TMEM117: variants seen among roughly 807,000 people sequenced by gnomAD.
The protein encoded by TMEM117 is transmembrane protein 117.
Under a neutral mutation model 52.4 loss-of-function variants are expected in TMEM117, and 27 were observed. The ratio of observed to expected loss-of-function variants is 0.51; its 90% CI spans 0.38 to 0.71. The LOEUF (loss-of-function observed/expected upper bound fraction) is 0.71. Ranked by LOEUF, TMEM117 falls within the 30% of genes least tolerant of loss-of-function variation. The probability of loss-of-function intolerance (pLI) is 0.00; values close to 1 mark genes in which losing one functional copy is unlikely to be tolerated. For missense variants in TMEM117, 556 were observed against 630.5 expected (o/e 0.88, Z 1.26); for synonymous variants, 215 against 206.3 (o/e 1.04, Z -0.36).
In TMEM117 at chr12:44,006,672, C is replaced by T. The variant is rs149212121; in HGVS notation, c.410+62330C>T. Among the ~76,000 whole-genome samples, 584 of 152,014 alleles carry T rather than the reference C, an allele frequency of 3.8e-3. 6 individuals are homozygous for T. The highest frequency in any genetic ancestry group is 0.025 in the East Asian group (129 of 5,174). On this transcript the variant is annotated intron_variant, in intron 3 of 7. Transcript: ENST00000266534. ...TCTGAAGAATTTAGATGGCTGGGGG[C>T]GGGGAAACTTTGAATAACCAGATAC...
intron 3 of TMEM117, among the ~76,000 whole-genome samples, chr12:43,958,754 T>G (rs893372930): frequency 6.6e-6 from 1 of 151,812 alleles, no homozygotes; most frequent in African/African-American, 2.4e-5. Context: ...GGAGAGAATA[T>G]CTGAAATGGA....
At chr12:44,049,793 G>A (rs1414598906) in intron 3 of TMEM117, among the ~76,000 whole-genome samples, 1 of 152,120 alleles carries the variant, frequency 6.6e-6, no homozygotes, top group African/African-American at 2.4e-5. Flanking sequence ...ATAATAATTT[G>A]TGCCCATAAA....
chr12:44,117,792 C>T (rs888400454), intron 3 of TMEM117, among the ~76,000 whole-genome samples: 7 of 151,842 alleles, frequency 4.6e-5, no homozygotes, highest in African/African-American at 7.3e-5. Context: ...TGATATATGT[C>T]GGAATGATAT....
chr12:44,194,993 A>G (rs572474281), intron 4 of TMEM117, among the ~76,000 whole-genome samples: 12 of 152,342 alleles, frequency 7.9e-5, no homozygotes, highest in African/African-American at 2.6e-4. Flanking sequence ...TTCCATCTAT[A>G]TGCTGTGCAT....
chr12:44,157,625 T>C (rs145945353), intron 4 of TMEM117, among the ~76,000 whole-genome samples: 1,746 of 152,220 alleles, frequency 0.011, 22 homozygotes, highest in South Asian at 0.052. Flanking sequence ...GAATTATAAA[T>C]ATACCTGATG....
chr12:43,865,451 C>A (rs774265054), intron 2 of TMEM117, among the ~76,000 whole-genome samples: 18 of 152,170 alleles, frequency 1.2e-4, no homozygotes, highest in Non-Finnish European at 2.5e-4. Context: ...AATCCCAGCA[C>A]TTTGGGAGGC....
intron 5 of TMEM117, among the ~76,000 whole-genome samples, chr12:44,231,859 T>C (rs1027573353): frequency 6.6e-6 from 1 of 151,752 alleles, no homozygotes; most frequent in Admixed American, 6.6e-5. Context: ...TATATGGTGC[T>C]CATTTGGTAC....
intron 3 of TMEM117, among the ~76,000 whole-genome samples, chr12:43,968,159 C>G (rs1945516168): frequency 6.6e-6 from 1 of 152,192 alleles, no homozygotes; most frequent in South Asian, 2.1e-4. Context: ...CACTATTGAT[C>G]TTTCTTATTG....
chr12:44,213,595 C>A (rs1423084825), intron 5 of TMEM117, among the ~76,000 whole-genome samples: 1 of 152,158 alleles, frequency 6.6e-6, no homozygotes, highest in Non-Finnish European at 1.5e-5. Context: ...TCCCATAATC[C>A]CCACTTGTCG....
chr12:44,140,105 A>C (rs1948550266), intron 3 of TMEM117, among the ~76,000 whole-genome samples: 1 of 152,146 alleles, frequency 6.6e-6, no homozygotes, highest in African/African-American at 2.4e-5. Flanking sequence ...GTACTATCTC[A>C]TCTGCATTGT....
intron 3 of TMEM117, among the ~76,000 whole-genome samples, chr12:43,996,352 A>C (rs561471797): frequency 6.6e-6 from 1 of 152,266 alleles, no homozygotes; most frequent in Admixed American, 6.5e-5. Flanking sequence ...AATTTTAAAG[A>C]AACATTATTG....
rs1422805836 is a variant in TMEM117, at chr12:44,380,122, C to G, written c.898+3398C>G. Reference sequence around the variant, plus strand: ...TTTCTATAGTTAGAATTCCTCTTATCTCAGCTTTAATTTGTTTTCATATGC... The same window carrying G: ...TTTCTATAGTTAGAATTCCTCTTATGTCAGCTTTAATTTGTTTTCATATGC... On this transcript the variant is annotated intron_variant, in intron 7 of 7. Transcript: ENST00000266534. Among the ~76,000 whole-genome samples the G allele has an allele frequency of 2.0e-5, 3 of 152,154 alleles. No homozygotes were observed. In the East Asian group the frequency reaches 5.8e-4, roughly 29 times the overall value.
At chr12:44,186,757 G>T (rs558500892) in intron 4 of TMEM117, among the ~76,000 whole-genome samples, 139 of 152,114 alleles carry the variant, frequency 9.1e-4, no homozygotes, top group African/African-American at 3.2e-3. Context: ...AAGAAAAAAA[G>T]GAATAAAAGT....
chr12:44,156,194 A>C (rs1296018348), intron 4 of TMEM117, among the ~76,000 whole-genome samples: 1 of 152,134 alleles, frequency 6.6e-6, no homozygotes, highest in Non-Finnish European at 1.5e-5. Flanking sequence ...GCATGGATTC[A>C]GAGAGACCTC....
At position 44,299,656 on chromosome 12, in the gene TMEM117, C is replaced by T. The variant is rs746604616; in HGVS notation, c.685C>T (p.Arg229Trp). The change falls in exon 6 of 8, where the codon CGG (arginine) becomes TGG (tryptophan). Residue 229 changes from arginine to tryptophan, a missense_variant. Around this residue, in one of 3 missense-constraint regions of TMEM117, gnomAD observed 328 missense variants for 371.4 expected, o/e 0.88. Coordinates refer to ENST00000266534, the MANE Select transcript of TMEM117 (RefSeq NM_032256.3). ...TDWISWDKLN[R>W]GFLPSDEVSR... is the part of the protein sequence containing the mutation. ...CTGGATCAGCTGGGACAAGCTGAAT[C>T]GGGGATTTTTGCCCAGTGATGAAGT... 8.7e-6 allele frequency: 14 copies of T among 1,614,192 alleles called. No homozygotes were observed. Among genetic ancestry groups the T allele is most frequent in the South Asian group, 3.3e-5 (3 of 91,082 alleles).
intron 2 of TMEM117, among the ~76,000 whole-genome samples, chr12:43,876,092 G>GAA (rs1157042282): frequency 6.6e-6 from 1 of 152,212 alleles, no homozygotes; most frequent in East Asian, 1.9e-4. Flanking sequence ...AGGTACAAGA[G>GAA]AAAAGTGTGC....
At position 44,012,416 on chromosome 12, in the gene TMEM117, T is replaced by C. The variant is rs563176307; in HGVS notation, c.410+68074T>C. Among the ~76,000 whole-genome samples the C allele has an allele frequency of 1.9e-3, 281 of 151,798 alleles. 3 individuals carry two copies. The Middle Eastern group carries it at 0.027, about 15-fold the overall frequency. The stretch of plus-strand genomic sequence containing the variant: ...TTTTTGTTTTTTTTTTTTCTGTTGC[T>C]TCTTTTTCTGATATTCCCATTACAC... On this transcript the variant is annotated intron_variant, in intron 3 of 7. Coordinates refer to ENST00000266534, the MANE Select transcript of TMEM117 (RefSeq NM_032256.3).
chr12:44,247,006 G>A (rs1037901288), intron 5 of TMEM117, among the ~76,000 whole-genome samples: 3 of 152,142 alleles, frequency 2.0e-5, no homozygotes, highest in South Asian at 2.1e-4. Context: ...AGAGAGGGGA[G>A]AATGGGAGTT....
the TMEM117 span, chr12:43,806,340 C>A: frequency 3.1e-6 from 4 of 1,274,900 alleles, no homozygotes; most frequent in Admixed American, 1.7e-4. Context: ...CCGGCCCCGG[C>A]GCGTCATCCG....
Sources: allele counts gnomAD v4.1 joint callset (sites outside exome capture counted in the v4.1 genomes callset), GRCh38; gene constraint gnomAD v4.1.1; regional missense constraint gnomAD v4.1.1; transcripts MANE v1.5; gene names NCBI Gene and HGNC (gene_info 2026-07-23, HGNC 2026-07-21).